The following LRCH3 variants were observed in gnomAD, a reference collection of about 807,000 sequenced individuals.
LRCH3 encodes the protein DISP complex protein LRCH3.
Under a neutral mutation model 104.5 loss-of-function variants are expected in LRCH3, and 68 were observed. The observed-to-expected ratio is 0.65, with a 90% CI of 0.54 to 0.80. The LOEUF is 0.80. Ranked by LOEUF, LRCH3 falls within the 30% of genes least tolerant of loss-of-function variation. LRCH3 has a pLI of 0.00. For missense variants in LRCH3, 951 were observed against 953.9 expected (o/e 1.00, Z 0.04); for synonymous variants, 344 against 361.3 (o/e 0.95, Z 0.54).
In LRCH3 at chr3:197,836,716, C is replaced by T. The variant is rs539860379; in HGVS notation, c.1251+894C>T. 1.8e-3 allele frequency among the ~76,000 whole-genome samples: 273 copies of T among 152,330 alleles called. 3 individuals carry two copies. Among genetic ancestry groups the T allele is most frequent in the African/African-American group, 5.9e-3 (244 of 41,580 alleles). The stretch of plus-strand genomic sequence containing the variant: ...ATTTAATGAAGCAGAGTCACTCTGT[C>T]GCCCAGGCTGGTGTGCCTTGGCACG... On this transcript the variant is annotated intron_variant, in intron 9 of 20. Coordinates refer to ENST00000425562, the MANE Select transcript of LRCH3 (RefSeq NM_001365715.1).
intron 1 of LRCH3, among the ~76,000 whole-genome samples, chr3:197,807,935 A>G (rs1732688465): frequency 6.6e-6 from 1 of 152,216 alleles, no homozygotes; most frequent in Non-Finnish European, 1.5e-5. Context: ...TTAGAATCAC[A>G]TCAAACAGTC....
chr3:197,819,992 G>A (rs767957583), intron 3 of LRCH3, among the ~76,000 whole-genome samples: 8 of 152,190 alleles, frequency 5.3e-5, no homozygotes, highest in Non-Finnish European at 8.8e-5. Flanking sequence ...TTACAGGCAT[G>A]AGCCACCATA....
chr3:197,851,891 A>C (rs1739652992), intron 12 of LRCH3, among the ~76,000 whole-genome samples: 2 of 152,230 alleles, frequency 1.3e-5, no homozygotes, highest in African/African-American at 4.8e-5. Flanking sequence ...TTGTGGAAAG[A>C]ACACAGGCTT....
Position 197,839,260 on chromosome 3 carries a change from G to A in LRCH3, c.1252-61G>A, listed in dbSNP as rs529530186. 47 of 1,051,692 alleles carry A rather than the reference G, an allele frequency of 4.5e-5. No homozygotes were observed. The Admixed American group carries it at 9.4e-4, about 21-fold the overall frequency. 65.1% of individuals were successfully genotyped at this position (1,051,692 alleles called of 1,614,324 possible). ...TTAAATGACAAATTGGATGTGAACT[G>A]TGTAATCGCAGTGTTCTGGATTAAT... is the stretch of plus-strand genomic sequence containing the variant. On this transcript the variant is annotated intron_variant, in intron 9 of 20. Transcript: ENST00000425562.
intron 1 of LRCH3, among the ~76,000 whole-genome samples, chr3:197,806,748 C>T (rs1033582217): frequency 6.7e-6 from 1 of 150,146 alleles, no homozygotes; most frequent in Non-Finnish European, 1.5e-5. Flanking sequence ...TGTGGAGTTT[C>T]ACCATGTTGT....
chr3:197,882,864 C>T (rs1228527555), intron 20 of LRCH3: 5 of 985,096 alleles, frequency 5.1e-6, no homozygotes, highest in Non-Finnish European at 6.0e-6. Flanking sequence ...TGTTAAATAC[C>T]AGGATATTAA....
At chr3:197,835,327 G>A (rs951488691) in intron 8 of LRCH3, among the ~76,000 whole-genome samples, 6 of 151,696 alleles carry the variant, frequency 4.0e-5, no homozygotes, top group African/African-American at 1.5e-4. Flanking sequence ...GGGACTACAG[G>A]CGTGTGCCAC....
At chr3:197,851,526 CAA>C (rs1739595604) in intron 12 of LRCH3, among the ~76,000 whole-genome samples, 1 of 152,202 alleles carries the variant, frequency 6.6e-6, no homozygotes, top group African/African-American at 2.4e-5. Flanking sequence ...ATTGCAGTGA[CAA>C]GAGCCTAAAT....
At chr3:197,845,177 G>A (rs1738470309) in intron 10 of LRCH3, among the ~76,000 whole-genome samples, 1 of 152,112 alleles carries the variant, frequency 6.6e-6, no homozygotes, top group Admixed American at 6.5e-5. Flanking sequence ...GAGAGGCTAA[G>A]GTGGGTGGTT....
At chr3:197,879,480 A>C (rs887807239) in intron 20 of LRCH3, among the ~76,000 whole-genome samples, 1 of 151,034 alleles carries the variant, frequency 6.6e-6, no homozygotes, top group Non-Finnish European at 1.5e-5. Flanking sequence ...CCCCGTCTCT[A>C]CTAAAAATAC....
Position 197,883,796 on chromosome 3 carries a change from C to A in LRCH3, c.*130C>A. ...AAGGGACCGTTCCCATGATTCCTAA[C>A]AGGAATATTTTGCTTCATTTCTCCA... On this transcript the variant is annotated 3_prime_UTR_variant, in exon 21 of 21. Coordinates refer to ENST00000425562, the MANE Select transcript of LRCH3 (RefSeq NM_001365715.1). This position sits in a 1 kb window ranked among gnomAD's most constrained non-coding sequence, Gnocchi z 4.2. The A allele has an allele frequency of 1.0e-6, 1 of 992,822 alleles. No homozygotes were observed. Among genetic ancestry groups the A allele is most frequent in the Non-Finnish European group, 1.3e-6 (1 of 743,476 alleles). 61.5% of individuals were successfully genotyped at this position (992,822 alleles called of 1,614,324 possible). A position where few individuals can be genotyped will look rare whatever the true frequency, so the allele number is the denominator to read the frequency against.
chr3:197,866,266 C>G (rs774240984), intron 17 of LRCH3, 47 bp downstream of exon 17: 1 of 1,307,632 alleles, frequency 7.6e-7, no homozygotes, highest in Non-Finnish European at 1.1e-6. Flanking sequence ...GAGGTTTACA[C>G]AACGACGCTA....
At position 197,883,260 on chromosome 3, in the gene LRCH3, T is replaced by C. The variant is rs1713943428; in HGVS notation, c.2209-281T>C. 3 of 1,114,854 alleles carry C rather than the reference T, an allele frequency of 2.7e-6. No homozygotes were observed. The highest frequency in any genetic ancestry group is 3.3e-6 in the Non-Finnish European group (3 of 911,426). The allele number at this position is 1,114,854 out of a possible 1,614,324, so 69.1% of individuals were successfully genotyped here. A position where few individuals can be genotyped will look rare whatever the true frequency, so the allele number is the denominator to read the frequency against. On this transcript the variant is annotated intron_variant, in intron 20 of 20. Transcript: ENST00000425562. The surrounding 1 kb of genome is among the most constrained non-coding windows in gnomAD (Gnocchi z 4.2). ...AGGATGTTGCTTTCACCCTGCGGTA[T>C]TGTTTTCCCTCTGTTGTATGTATAG...
intron 8 of LRCH3, among the ~76,000 whole-genome samples, chr3:197,833,193 T>G (rs890498617): frequency 6.6e-6 from 1 of 152,036 alleles, no homozygotes; most frequent in Non-Finnish European, 1.5e-5. Flanking sequence ...TGATAGCCAC[T>G]AGCCACATGT....
chr3:197,870,341 A>C, intron 18 of LRCH3, 63 bp downstream of exon 18: 2 of 1,450,100 alleles, frequency 1.4e-6, no homozygotes, highest in Non-Finnish European at 1.9e-6. Flanking sequence ...TAATCCTGTG[A>C]TCACGTCTTC....
chr3:197,873,247 C>A (rs914759882), intron 19 of LRCH3, among the ~76,000 whole-genome samples: 1 of 152,206 alleles, frequency 6.6e-6, no homozygotes, highest in East Asian at 1.9e-4. Context: ...CTAGATCTGA[C>A]GTTTCTTGCA....
At chr3:197,816,442 G>A (rs1733810237) in intron 2 of LRCH3, among the ~76,000 whole-genome samples, 2 of 151,958 alleles carry the variant, frequency 1.3e-5, no homozygotes, top group South Asian at 2.1e-4. Flanking sequence ...CTCCACGCCC[G>A]GCTAATTTTG....
intron 12 of LRCH3, chr3:197,850,934 G>A: frequency 2.5e-6 from 2 of 808,598 alleles, no homozygotes; most frequent in South Asian, 1.3e-5. Context: ...GGTTCTCCGG[G>A]TCAAGTGAAT....
At position 197,796,312 on chromosome 3, in the gene LRCH3, A is replaced by G. The variant is rs948563545; in HGVS notation, c.262+4772A>G. On this transcript the variant is annotated intron_variant, in intron 1 of 20. Transcript: ENST00000425562. ...ATTGTGCAATAATAGCACAACTACTATGTTTTAGGCATTATGCTGGGTAAT... is the reference window on the plus strand; with the variant it reads ...ATTGTGCAATAATAGCACAACTACTGTGTTTTAGGCATTATGCTGGGTAAT... 2.6e-5 allele frequency among the ~76,000 whole-genome samples: 4 copies of G among 152,272 alleles called. No individual in the cohort carries two copies. In the East Asian group the frequency reaches 5.8e-4, roughly 22 times the overall value.
Sources: allele counts gnomAD v4.1 joint callset (sites outside exome capture counted in the v4.1 genomes callset), GRCh38; gene constraint gnomAD v4.1.1; non-coding constraint Gnocchi (gnomAD v3.1); transcripts MANE v1.5; gene names NCBI Gene and HGNC (gene_info 2026-07-23, HGNC 2026-07-21).